The following MED27 variants were observed in gnomAD, a reference collection of about 807,000 sequenced individuals.
The protein encoded by MED27 is mediator of RNA polymerase II transcription subunit 27.
Under a neutral mutation model 38.2 loss-of-function variants are expected in MED27, and 30 were observed. The ratio of observed to expected loss-of-function variants is 0.79; its 90% confidence interval spans 0.59 to 1.07. The LOEUF is 1.07. Ranked by LOEUF, MED27 falls within the 50% of genes least tolerant of loss-of-function variation. The pLI is 0.00. For missense variants in MED27, 289 were observed against 397.5 expected (o/e 0.73, Z 2.32); for synonymous variants, 122 against 153.5 (o/e 0.79, Z 1.52).
At chr9:131,869,390 G>GC in intron 6 of MED27, 1 of 953,964 alleles carries the variant, frequency 1.0e-6, no homozygotes, top group Admixed American at 7.4e-5. Context: ...CAGGCCTGGG[G>GC]CAAAAAAAAA....
chr9:131,994,445 G>A (rs770095130), intron 3 of MED27, among the ~76,000 whole-genome samples: 3 of 152,168 alleles, frequency 2.0e-5, no homozygotes, highest in African/African-American at 4.8e-5. Flanking sequence ...AGTGCCACCT[G>A]GAAGGATCTA....
At chr9:131,993,376 C>T (rs1054487969) in intron 3 of MED27, among the ~76,000 whole-genome samples, 3 of 152,266 alleles carry the variant, frequency 2.0e-5, no homozygotes, top group Middle Eastern at 3.4e-3. Flanking sequence ...AGTATCACAG[C>T]TGAGGACGAA....
chr9:132,046,386 T>A (rs1339030330), intron 2 of MED27, among the ~76,000 whole-genome samples: 2 of 152,016 alleles, frequency 1.3e-5, no homozygotes, highest in African/African-American at 4.8e-5. Context: ...TATAAACTGG[T>A]ATAGCTATTT....
chr9:131,868,079 G>GT (rs1490239334), intron 6 of MED27, among the ~76,000 whole-genome samples: 46 of 152,368 alleles, frequency 3.0e-4, no homozygotes, highest in African/African-American at 1.0e-3. Context: ...GCACTGTGGG[G>GT]TGCCAGGGTG....
intron 4 of MED27, among the ~76,000 whole-genome samples, chr9:131,922,193 TAATAAA>T (rs1455157008): frequency 1.3e-5 from 2 of 151,460 alleles, no homozygotes; most frequent in South Asian, 2.1e-4. Flanking sequence ...TAAAATAAAA[TAATAAA>T]AATAAAAATA....
chr9:131,923,134 A>G (rs1052190951), intron 4 of MED27, among the ~76,000 whole-genome samples: 1 of 152,316 alleles, frequency 6.6e-6, no homozygotes, highest in East Asian at 1.9e-4. Flanking sequence ...AGCAGACAGA[A>G]TTGGGAAACG....
intron 2 of MED27, among the ~76,000 whole-genome samples, chr9:132,047,936 A>G (rs1160718642): frequency 1.3e-5 from 2 of 152,164 alleles, no homozygotes; most frequent in African/African-American, 2.4e-5. Flanking sequence ...TTTAAAGCCC[A>G]TTTATGCCTA....
At chr9:131,881,225 A>T (rs1839031951) in intron 6 of MED27, among the ~76,000 whole-genome samples, 1 of 152,254 alleles carries the variant, frequency 6.6e-6, no homozygotes. Context: ...TGGGGGAAAA[A>T]TGACAAGGAC....
chr9:131,927,921 T>C (rs1830511634), intron 4 of MED27, among the ~76,000 whole-genome samples: 1 of 152,188 alleles, frequency 6.6e-6, no homozygotes. Context: ...CAGGGACTGC[T>C]TGGTGAAGGA....
chr9:131,923,226 T>A (rs541094465), intron 4 of MED27, among the ~76,000 whole-genome samples: 753 of 152,352 alleles, frequency 4.9e-3, no homozygotes, highest in African/African-American at 0.017. Flanking sequence ...ATACTTCCAA[T>A]CGCAGTCCAA....
intron 3 of MED27, among the ~76,000 whole-genome samples, chr9:131,988,565 TGG>T (rs1831905271): frequency 6.6e-6 from 1 of 152,260 alleles, no homozygotes; most frequent in East Asian, 1.9e-4. Flanking sequence ...TTATTTTCTC[TGG>T]CTTACTTTAT....
chr9:131,942,911 T>C (rs943911751), intron 3 of MED27, among the ~76,000 whole-genome samples: 5 of 152,300 alleles, frequency 3.3e-5, no homozygotes, highest in Middle Eastern at 6.8e-3. Flanking sequence ...ATGAGATTTT[T>C]ACCTGTAAGA....
chr9:131,918,308 T>G (rs1342930401), intron 4 of MED27, among the ~76,000 whole-genome samples: 1 of 152,238 alleles, frequency 6.6e-6, no homozygotes, highest in Non-Finnish European at 1.5e-5. Flanking sequence ...CTACTGCTAA[T>G]GTAGACTAAA....
At chr9:131,968,432 C>G (rs1405295829) in intron 3 of MED27, among the ~76,000 whole-genome samples, 1 of 146,048 alleles carries the variant, frequency 6.8e-6, no homozygotes, top group Non-Finnish European at 1.5e-5. Flanking sequence ...CTAGATCACA[C>G]CACTGCACTC....
chr9:132,040,763 G>C lies in MED27; in HGVS notation c.349-26296C>G, dbSNP rs181694718. On this transcript the variant is annotated intron_variant, in intron 2 of 7. Transcript: ENST00000292035. Reference sequence around the variant, plus strand: ...CGCCCTGTGCACGTGCACACACACCGCACACTCAAGCACCAGCACACACGG... The same window carrying C: ...CGCCCTGTGCACGTGCACACACACCCCACACTCAAGCACCAGCACACACGG... Among the ~76,000 whole-genome samples, 5 of 152,226 alleles carry C rather than the reference G, an allele frequency of 3.3e-5. No individual in the cohort carries two copies. In the South Asian group the frequency reaches 1.0e-3, roughly 32 times the overall value.
intron 2 of MED27, among the ~76,000 whole-genome samples, chr9:132,019,920 C>T (rs1832683731): frequency 6.6e-6 from 1 of 152,216 alleles, no homozygotes; most frequent in Non-Finnish European, 1.5e-5. Flanking sequence ...TGCCCTCCTG[C>T]AGGCGCTGAG....
chr9:131,980,325 A>G, intron 3 of MED27, among the ~76,000 whole-genome samples: 1 of 152,190 alleles, frequency 6.6e-6, no homozygotes, highest in East Asian at 1.9e-4. Flanking sequence ...ATGCTGGACC[A>G]GGCAAAATTT....
intron 3 of MED27, among the ~76,000 whole-genome samples, chr9:131,944,245 G>A (rs969341180): frequency 1.3e-5 from 2 of 152,088 alleles, no homozygotes; most frequent in African/African-American, 2.4e-5. Context: ...GACCTCAGAG[G>A]TCCTCTCATC....
intron 2 of MED27, among the ~76,000 whole-genome samples, chr9:132,063,853 C>T (rs1833749339): frequency 1.3e-5 from 2 of 152,172 alleles, no homozygotes; most frequent in South Asian, 2.1e-4. Flanking sequence ...TAGGTGCATT[C>T]ACCACCCGGA....
Sources: gnomAD v4.1 joint callset for allele counts (sites outside exome capture counted in the v4.1 genomes callset) on GRCh38, gnomAD v4.1.1 for gene constraint, MANE v1.5 for transcripts, NCBI Gene and HGNC (gene_info 2026-07-23, HGNC 2026-07-21) for gene names.